The following MDGA2 variants were observed in gnomAD, a reference collection of about 807,000 sequenced individuals.
MDGA2 encodes MAM domain containing glycosylphosphatidylinositol anchor 2.
MDGA2 carries 40 observed loss-of-function variants against 117.8 expected under a neutral mutation model. The ratio of observed to expected loss-of-function variants is 0.34; its 90% CI spans 0.26 to 0.44. The LOEUF (loss-of-function observed/expected upper bound fraction) is 0.44, where lower values mean the gene tolerates loss of function less well. Among genes scored for constraint, MDGA2 ranks in the 20% least tolerant of loss-of-function variants. The pLI, the probability that MDGA2 is intolerant of heterozygous loss-of-function variation, is 1.00. For missense variants in MDGA2, 1,123 were observed against 1,250.6 expected, an observed-to-expected ratio of 0.90 and a Z score of 1.54; for synonymous variants, 452 against 439.0, an observed-to-expected ratio of 1.03 and a Z score of -0.37.
intron 1 of MDGA2, among the ~76,000 whole-genome samples, chr14:47,365,519 A>G (rs1891213658): frequency 6.6e-6 from 1 of 152,270 alleles, no homozygotes. Context: ...ACTGGTAGAC[A>G]GAAACCTAGG....
At chr14:46,982,448 T>C (rs1886708866) in intron 8 of MDGA2, among the ~76,000 whole-genome samples, 3 of 151,918 alleles carry the variant, frequency 2.0e-5, no homozygotes, top group Non-Finnish European at 2.9e-5. Context: ...TGGTGGCTCA[T>C]GCCTGTAATC....
rs552689652 is a variant in MDGA2 at position 47,459,477 on chromosome 14, CCCTT to C, written c.281-157931_281-157928del. On this transcript the variant is annotated intron_variant, in intron 1 of 16. Transcript: ENST00000399232. Reference sequence around the variant, plus strand: ...TCGTCTTCCTTCCATCTTTTCCTTTCCCTTCCTTCCTTCCTTCCTTGCATCCCTC... The same window carrying C: ...TCGTCTTCCTTCCATCTTTTCCTTTCCCTTCCTTCCTTCCTTGCATCCCTC... Among the ~76,000 whole-genome samples, 277 of 149,878 alleles carry C rather than the reference CCCTT, an allele frequency of 1.8e-3. 1 individual carries two copies. Among genetic ancestry groups the C allele is most frequent in the Middle Eastern group, 3.4e-3 (1 of 294 alleles).
chr14:47,190,282 C>T (rs1202056098), intron 3 of MDGA2, among the ~76,000 whole-genome samples: 1 of 152,178 alleles, frequency 6.6e-6, no homozygotes, highest in African/African-American at 2.4e-5. Context: ...ACCAGTCTCA[C>T]TGACAGCAAT....
intron 8 of MDGA2, among the ~76,000 whole-genome samples, chr14:47,017,443 A>G (rs1416183033): frequency 6.6e-6 from 1 of 152,084 alleles, no homozygotes; most frequent in African/African-American, 2.4e-5. Flanking sequence ...TTCCAATTCT[A>G]TATTATGTCC....
intron 1 of MDGA2, among the ~76,000 whole-genome samples, chr14:47,375,066 C>G (rs1339066253): frequency 6.6e-6 from 1 of 151,552 alleles, no homozygotes; most frequent in East Asian, 1.9e-4. Context: ...GGTTACTTAA[C>G]CTTTCAAAAC....
rs1880012960 is a variant in MDGA2 at position 47,097,017 on chromosome 14, G to A, written c.1032C>T (p.Leu344=). The part of the protein sequence containing the change: ...VTTGGEPAPS[L]TWVRSFGTLP... ...GAGTCCCAAAGGACCTGACCCAGGT[G>A]AGAGAAGGTGCAGGCTCTCCTCCTG... is the stretch of plus-strand genomic sequence containing the variant. The change falls in exon 6 of 17, where the codon CTC becomes CTT. Residue 344 remains leucine (L), a synonymous_variant. Transcript: ENST00000399232. 1.2e-6 allele frequency: 2 copies of A among 1,613,344 alleles called. No homozygotes were observed. Among genetic ancestry groups the A allele is most frequent in the East Asian group, 2.2e-5 (1 of 44,858 alleles).
intron 1 of MDGA2, among the ~76,000 whole-genome samples, chr14:47,381,823 G>C (rs2138418593): frequency 6.6e-6 from 1 of 152,258 alleles, no homozygotes; most frequent in East Asian, 1.9e-4. Context: ...TCCCCGTCAA[G>C]CTACCAATGA....
chr14:47,217,948 G>A lies in MDGA2; in HGVS notation c.595+73C>T, dbSNP rs1886158448. 3 of 1,235,370 alleles carry A rather than the reference G, an allele frequency of 2.4e-6. No homozygotes were observed. In the African/African-American group the frequency reaches 4.7e-5, roughly 19 times the overall value. 76.5% of individuals were successfully genotyped at this position (1,235,370 alleles called of 1,614,324 possible). ...CTAAACAGAACGCTATGGTTTTTCA[G>A]AAAACCATAGACTTGTAAGACAAAA... On this transcript the variant is annotated intron_variant, in intron 3 of 16. Transcript: ENST00000399232.
At chr14:46,963,191 ATTAT>A (rs1375075271) in intron 8 of MDGA2, among the ~76,000 whole-genome samples, 1 of 152,190 alleles carries the variant, frequency 6.6e-6, no homozygotes, top group African/African-American at 2.4e-5. Flanking sequence ...TTAAAAGATA[ATTAT>A]TTATGATGAT....
At chr14:47,010,490 T>G (rs1402667295) in intron 8 of MDGA2, among the ~76,000 whole-genome samples, 1 of 152,072 alleles carries the variant, frequency 6.6e-6, no homozygotes, top group East Asian at 1.9e-4. Context: ...AAAGTAATCA[T>G]TTTTTTCTTT....
At chr14:47,120,553 T>G (rs976772254) in intron 5 of MDGA2, among the ~76,000 whole-genome samples, 4 of 152,102 alleles carry the variant, frequency 2.6e-5, no homozygotes, top group African/African-American at 9.7e-5. Flanking sequence ...AAGAAGAGTA[T>G]GTTGTTATCA....
At chr14:47,532,049 T>C (rs1271262375) in intron 1 of MDGA2, among the ~76,000 whole-genome samples, 1 of 152,172 alleles carries the variant, frequency 6.6e-6, no homozygotes, top group Non-Finnish European at 1.5e-5. Context: ...GAGCTCCTTA[T>C]AAGGGTGCTA....
At chr14:46,936,247 TA>T (rs1356104472) in intron 9 of MDGA2, among the ~76,000 whole-genome samples, 1 of 151,872 alleles carries the variant, frequency 6.6e-6, no homozygotes, top group Non-Finnish European at 1.5e-5. Context: ...GCCCATAAGA[TA>T]GGGGCAAACC....
chr14:47,079,161 T>A (rs1446494893), intron 6 of MDGA2, among the ~76,000 whole-genome samples: 1 of 152,186 alleles, frequency 6.6e-6, no homozygotes, highest in East Asian at 1.9e-4. Flanking sequence ...AAATACCCTT[T>A]GTAATTTACA....
At chr14:47,360,303 A>G (rs1290782587) in intron 1 of MDGA2, among the ~76,000 whole-genome samples, 1 of 151,844 alleles carries the variant, frequency 6.6e-6, no homozygotes, top group Non-Finnish European at 1.5e-5. Context: ...GTGAGCCAAG[A>G]TCGTGCCATT....
intron 10 of MDGA2, among the ~76,000 whole-genome samples, chr14:46,909,228 A>C (rs1269116137): frequency 2.6e-5 from 4 of 152,320 alleles, no homozygotes; most frequent in African/African-American, 7.2e-5. Context: ...ACAAATAAAA[A>C]GTAGATCTTT....
chr14:47,655,879 T>G (rs2138279943), intron 1 of MDGA2, among the ~76,000 whole-genome samples: 1 of 152,234 alleles, frequency 6.6e-6, no homozygotes, highest in Admixed American at 6.5e-5. Flanking sequence ...TTCCTCAAGC[T>G]TAGACCATAT....
intron 1 of MDGA2, among the ~76,000 whole-genome samples, chr14:47,408,372 AT>A (rs971097655): frequency 3.0e-4 from 46 of 152,184 alleles, no homozygotes; most frequent in African/African-American, 1.1e-3. Context: ...TCTTATAAGC[AT>A]GGTAGGCTCA....
At chr14:47,483,362 C>T (rs80264006) in intron 1 of MDGA2, among the ~76,000 whole-genome samples, 15,717 of 152,148 alleles carry the variant, frequency 0.1, 912 homozygotes, top group Middle Eastern at 0.15. Flanking sequence ...TGAGCAAGAG[C>T]CTGCTTCATT....
Sources: gnomAD v4.1 joint callset for allele counts (sites outside exome capture counted in the v4.1 genomes callset) on GRCh38, gnomAD v4.1.1 for gene constraint, MANE v1.5 for transcripts, NCBI Gene and HGNC (gene_info 2026-07-23, HGNC 2026-07-21) for gene names.